GLDC: variants seen among roughly 807,000 people sequenced by gnomAD.
GLDC encodes the protein glycine dehydrogenase (decarboxylating), mitochondrial.
A neutral mutation model predicts 121.3 loss-of-function variants in GLDC; 104 were observed. That is an observed-to-expected ratio of 0.86 (90% CI 0.73 to 1.01). GLDC has a LOEUF of 1.01. Ranked by LOEUF, GLDC falls within the 50% of genes least tolerant of loss-of-function variation. The probability of loss-of-function intolerance (pLI) is 0.00; values close to 1 mark genes in which losing one functional copy is unlikely to be tolerated. For synonymous variants in GLDC, 546 were observed against 480.6 expected, an observed-to-expected ratio of 1.14 and a Z score of -1.78; for missense variants, 1,429 against 1,306.6, an observed-to-expected ratio of 1.09 and a Z score of -1.44.
At chr9:6,557,805 G>A (rs943353065) in intron 17 of GLDC, 1 of 152,746 alleles carries the variant, frequency 6.5e-6, no homozygotes. Context: ...GGGAAGTCAT[G>A]TCCTATATTA....
At chr9:6,558,218 T>A in intron 17 of GLDC, 1 of 545,732 alleles carries the variant, frequency 1.8e-6, no homozygotes, top group Non-Finnish European at 3.3e-6. Flanking sequence ...TTACAATTCC[T>A]GACACGAAGA....
chr9:6,642,301 G>A (rs922242972), intron 2 of GLDC, among the ~76,000 whole-genome samples: 1 of 152,102 alleles, frequency 6.6e-6, no homozygotes, highest in African/African-American at 2.4e-5. Context: ...AGGCCAAGGT[G>A]GGTGGATCAC....
At chr9:6,643,188 G>T (rs1380344567) in intron 2 of GLDC, among the ~76,000 whole-genome samples, 1 of 151,828 alleles carries the variant, frequency 6.6e-6, no homozygotes, top group Non-Finnish European at 1.5e-5. Context: ...ATTTGCCACC[G>T]TGCCCAGCCA....
chr9:6,633,470 C>G (rs929126323), intron 2 of GLDC, among the ~76,000 whole-genome samples: 6 of 152,158 alleles, frequency 3.9e-5, no homozygotes, highest in Non-Finnish European at 2.9e-5. Flanking sequence ...CCACGAATAC[C>G]TCAAACCCAA....
chr9:6,644,594 G>C lies in GLDC; in HGVS notation c.334+20C>G, dbSNP rs368832194. On this transcript the variant is annotated intron_variant, in intron 2 of 24. Transcript: ENST00000321612. ...AGGCCAGAATAATCTAAGTCCAAGG[G>C]AGCCCTCCCGGCCACTTACAAACAG... The C allele has an allele frequency of 7.1e-6, 11 of 1,548,432 alleles. No homozygotes were observed. The East Asian group carries it at 2.2e-4, about 32-fold the overall frequency.
chr9:6,563,168 C>A (rs1487351272), intron 16 of GLDC, among the ~76,000 whole-genome samples: 1 of 152,228 alleles, frequency 6.6e-6, no homozygotes, highest in Non-Finnish European at 1.5e-5. Flanking sequence ...AGAACCCCGC[C>A]CAGGCCAAAC....
intron 22 of GLDC, among the ~76,000 whole-genome samples, chr9:6,538,320 C>G (rs1176714550): frequency 6.6e-6 from 1 of 152,082 alleles, no homozygotes; most frequent in Non-Finnish European, 1.5e-5. Flanking sequence ...ATAAAACATG[C>G]CAGGTGATTC....
rs78163358 is a variant in GLDC at position 6,605,843 on chromosome 9, A to G, written c.714-565T>C. The G allele has an allele frequency of 4.1e-5, 8 of 196,436 alleles. No homozygotes were observed. In the East Asian group the frequency reaches 8.8e-4, roughly 22 times the overall value. The allele number at this position is 196,436 out of a possible 1,614,324, so 12.2% of individuals were successfully genotyped here. A position where few individuals can be genotyped will look rare whatever the true frequency, so the allele number is the denominator to read the frequency against. On this transcript the variant is annotated intron_variant, in intron 5 of 24. Transcript: ENST00000321612. ...GATTACAGCACGAAAGAAAAGTACTACACTTTAAACTACATAGCATCTCAC... is the reference window on the plus strand; with the variant it reads ...GATTACAGCACGAAAGAAAAGTACTGCACTTTAAACTACATAGCATCTCAC...
chr9:6,566,062 C>T (rs960616764), intron 15 of GLDC, among the ~76,000 whole-genome samples: 2 of 152,066 alleles, frequency 1.3e-5, no homozygotes, highest in Admixed American at 6.6e-5. Context: ...GGCAGCATGG[C>T]GGAACAGTGT....
chr9:6,596,834 T>C (rs1818501995), intron 8 of GLDC, among the ~76,000 whole-genome samples: 1 of 152,162 alleles, frequency 6.6e-6, no homozygotes, highest in Non-Finnish European at 1.5e-5. Context: ...TGTCTGGAAG[T>C]TCCTCAAAAT....
At chr9:6,574,682 G>A (rs1485021115) in intron 15 of GLDC, among the ~76,000 whole-genome samples, 3 of 152,132 alleles carry the variant, frequency 2.0e-5, no homozygotes, top group African/African-American at 4.8e-5. Flanking sequence ...CCCGAAAGAC[G>A]GCTCTCCTCA....
At chr9:6,610,081 C>A in intron 4 of GLDC, 111 bp downstream of exon 4, 1 of 846,370 alleles carries the variant, frequency 1.2e-6, no homozygotes, top group Non-Finnish European at 1.9e-6. Context: ...TCTGAAAAGT[C>A]ATACTCTAGA....
Position 6,587,134 on chromosome 9 carries a change from C to T in GLDC, c.1850+7G>A, listed in dbSNP as rs1334727362. On this transcript the variant is annotated splice_region_variant and intron_variant, in intron 15 of 24. Coordinates refer to ENST00000321612, the MANE Select transcript of GLDC (RefSeq NM_000170.3). ...TGCTGAAACAATAAGAAAAGAAATG[C>T]CCTTACCTGTTTGGCTGGAAACAGA... 5 of 1,609,772 alleles carry T rather than the reference C, an allele frequency of 3.1e-6. No homozygotes were observed. The highest frequency in any genetic ancestry group is 2.7e-5 in the African/African-American group (2 of 74,792).
intron 17 of GLDC, among the ~76,000 whole-genome samples, chr9:6,556,664 G>A (rs1359704602): frequency 1.3e-5 from 2 of 151,988 alleles, no homozygotes; most frequent in Non-Finnish European, 2.9e-5. Context: ...ATGGTGGCAG[G>A]TGCCTGTAAT....
At chr9:6,638,218 G>GT (rs998469025) in intron 2 of GLDC, among the ~76,000 whole-genome samples, 153 of 142,918 alleles carry the variant, frequency 1.1e-3, no homozygotes, top group Middle Eastern at 3.8e-3. Context: ...TTTGTTTGTT[G>GT]TTTTTTTTTT....
intron 15 of GLDC, among the ~76,000 whole-genome samples, chr9:6,585,699 C>T (rs1267614207): frequency 7.9e-5 from 12 of 152,164 alleles, no homozygotes; most frequent in Admixed American, 6.5e-5. Flanking sequence ...TCTGAGGCTG[C>T]TGGTAGAGAA....
In GLDC at chr9:6,645,471, A is replaced by G; in HGVS notation, c.29T>C (p.Leu10Pro). 2 of 1,249,434 alleles carry G rather than the reference A, an allele frequency of 1.6e-6. No individual in the cohort carries two copies. The highest frequency in any genetic ancestry group is 1.0e-6 in the Non-Finnish European group (1 of 1,002,136). The allele number at this position is 1,249,434 out of a possible 1,614,324, so 77.4% of individuals were successfully genotyped here. ...GCCCCCGACCCCGCGGCCCAGGCGC[A>G]GCCCCCACGCCCTGGCACAGGACTG... The part of the protein sequence containing the change: MQSCARAWG[L>P]RLGRGVGGGR... Residue 10 changes from leucine (L) to proline (P), a missense_variant, in exon 1 of 25, where the codon CTG becomes CCG. By Grantham distance (98) the Leu-to-Pro change is moderately conservative (BLOSUM62 -3). Transcript: ENST00000321612.
intron 15 of GLDC, among the ~76,000 whole-genome samples, chr9:6,582,756 G>T (rs1818196399): frequency 1.3e-5 from 2 of 151,760 alleles, no homozygotes; most frequent in Non-Finnish European, 2.9e-5. Context: ...GTGAACCCGG[G>T]AGGCGATCGT....
intron 1 of GLDC, chr9:6,644,964 G>C: frequency 1.6e-6 from 1 of 610,730 alleles, no homozygotes; most frequent in South Asian, 2.0e-5. Context: ...TCCTCCTCTT[G>C]CAAAGTTTAG....
Sources: gnomAD v4.1 joint callset for allele counts (sites outside exome capture counted in the v4.1 genomes callset) on GRCh38, gnomAD v4.1.1 for gene constraint, MANE v1.5 for transcripts, NCBI Gene and HGNC (gene_info 2026-07-23, HGNC 2026-07-21) for gene names.